The following DIAPH3 variants were observed in gnomAD, a reference collection of about 807,000 sequenced individuals.
DIAPH3 encodes the protein protein diaphanous homolog 3.
In DIAPH3, 117 loss-of-function variants were observed where a neutral mutation model predicts 144.3. The observed-to-expected ratio is 0.81, with a 90% confidence interval of 0.70 to 0.95. DIAPH3 has a LOEUF of 0.95. Among genes scored for constraint, DIAPH3 ranks in the 40% least tolerant of loss-of-function variants. The probability of loss-of-function intolerance (pLI) is 0.00; values close to 1 mark genes in which losing one functional copy is unlikely to be tolerated. For synonymous variants in DIAPH3, 519 were observed against 488.9 expected (o/e 1.06, Z -0.81); for missense variants, 1,421 against 1,412.7 (o/e 1.01, Z -0.09).
At chr13:59,726,748 T>C in intron 27 of DIAPH3, among the ~76,000 whole-genome samples, 1 of 152,198 alleles carries the variant, frequency 6.6e-6, no homozygotes. Context: ...ACTGATGGTT[T>C]AACTGTCCTA....
chr13:60,134,921 A>T (rs2059230423), intron 1 of DIAPH3, among the ~76,000 whole-genome samples: 1 of 152,208 alleles, frequency 6.6e-6, no homozygotes, highest in Non-Finnish European at 1.5e-5. Flanking sequence ...GTGATATTTT[A>T]AAAAGTAAGA....
intron 2 of DIAPH3, among the ~76,000 whole-genome samples, chr13:60,119,312 G>C (rs1163259306): frequency 6.6e-6 from 1 of 152,148 alleles, no homozygotes; most frequent in African/African-American, 2.4e-5. Context: ...CCATGTGAGT[G>C]AGCCATCTTG....
chr13:59,950,839 T>A (rs1460259953), intron 17 of DIAPH3, among the ~76,000 whole-genome samples: 1 of 152,076 alleles, frequency 6.6e-6, no homozygotes, highest in Admixed American at 6.6e-5. Context: ...TATATATATA[T>A]ATTGTTATTT....
Position 59,980,779 on chromosome 13 carries a change from A to T in DIAPH3, c.1545+16T>A. ...GTTCCCCACAGAATACTATAAAGTT[A>T]GTGAAAACTACTTACTTTCTTGTAA... is the stretch of plus-strand genomic sequence containing the variant. On this transcript the variant is annotated intron_variant, in intron 14 of 27. Coordinates refer to ENST00000400324, the MANE Select transcript of DIAPH3 (RefSeq NM_001042517.2). 1 of 1,602,372 alleles carries T rather than the reference A, an allele frequency of 6.2e-7. No homozygotes were observed. The highest frequency in any genetic ancestry group is 8.5e-7 in the Non-Finnish European group (1 of 1,170,732).
intron 17 of DIAPH3, among the ~76,000 whole-genome samples, chr13:59,934,781 C>G (rs766961422): frequency 2.4e-4 from 36 of 152,166 alleles, no homozygotes; most frequent in Non-Finnish European, 4.6e-4. Flanking sequence ...CTGACCACCA[C>G]ACAGCAAGCC....
intron 27 of DIAPH3, among the ~76,000 whole-genome samples, chr13:59,769,145 G>T (rs1300492000): frequency 6.6e-6 from 1 of 152,142 alleles, no homozygotes; most frequent in Non-Finnish European, 1.5e-5. Flanking sequence ...TATCTGTGGA[G>T]CCTTTATCAC....
At chr13:59,769,754 A>G (rs920324865) in intron 27 of DIAPH3, among the ~76,000 whole-genome samples, 25 of 151,986 alleles carry the variant, frequency 1.6e-4, no homozygotes, top group Admixed American at 6.6e-5. Flanking sequence ...CAGACCCGCA[A>G]TATACTTCTT....
chr13:59,709,651 T>C (rs2034625719), intron 27 of DIAPH3, among the ~76,000 whole-genome samples: 2 of 152,232 alleles, frequency 1.3e-5, no homozygotes. Flanking sequence ...TTAGTGGGAC[T>C]GTAAACTAGT....
chr13:59,916,656 C>T (rs904941883), intron 18 of DIAPH3, among the ~76,000 whole-genome samples: 3 of 152,084 alleles, frequency 2.0e-5, no homozygotes, highest in Non-Finnish European at 4.4e-5. Context: ...GTATTATTTG[C>T]TTGTATCTCT....
intron 25 of DIAPH3, among the ~76,000 whole-genome samples, chr13:59,798,805 G>A (rs532532625): frequency 7.9e-5 from 12 of 152,260 alleles, no homozygotes; most frequent in Admixed American, 2.6e-4. Context: ...GTAGCCCTGC[G>A]CATTCATCCC....
intron 9 of DIAPH3, among the ~76,000 whole-genome samples, chr13:60,003,186 A>G (rs2052624014): frequency 6.6e-6 from 1 of 152,110 alleles, no homozygotes; most frequent in South Asian, 2.1e-4. Flanking sequence ...CCATTAGAGC[A>G]TTGCTGTGAT....
chr13:60,021,152 T>C (rs2053990234), intron 5 of DIAPH3: 1 of 152,216 alleles, frequency 6.6e-6, no homozygotes, highest in Admixed American at 6.5e-5. Flanking sequence ...TCAGAACATA[T>C]GAATATATTA....
At chr13:59,848,428 C>T (rs140800023) in intron 22 of DIAPH3, among the ~76,000 whole-genome samples, 2 of 150,752 alleles carry the variant, frequency 1.3e-5, no homozygotes, top group African/African-American at 4.9e-5. Context: ...AACTCGTCAT[C>T]TAGCCTTAGG....
intron 9 of DIAPH3, among the ~76,000 whole-genome samples, chr13:59,995,245 T>C (rs1332278353): frequency 2.0e-5 from 3 of 151,924 alleles, no homozygotes; most frequent in Middle Eastern, 3.4e-3. Flanking sequence ...GAGATACTCA[T>C]ACTCAAAAAA....
In DIAPH3 at chr13:60,121,913, C is replaced by A. The variant is rs898761398; in HGVS notation, c.214-9727G>T. Reference sequence around the variant, plus strand: ...TTCATCTTCTCTCTGTCTCTACTGTCGCTAGCTCAGGCCACTTCTAACCTG... The same window carrying A: ...TTCATCTTCTCTCTGTCTCTACTGTAGCTAGCTCAGGCCACTTCTAACCTG... On this transcript the variant is annotated intron_variant, in intron 2 of 27. Transcript: ENST00000400324. Among the ~76,000 whole-genome samples, 3 of 152,290 alleles carry A rather than the reference C, an allele frequency of 2.0e-5. No individual in the cohort carries two copies. In the East Asian group the frequency reaches 5.8e-4, roughly 29 times the overall value.
chr13:59,918,993 TA>T (rs1358806244), intron 18 of DIAPH3, among the ~76,000 whole-genome samples: 6 of 148,512 alleles, frequency 4.0e-5, no homozygotes, highest in African/African-American at 1.5e-4. Flanking sequence ...AAACAGTTTT[TA>T]AAAATTAAAC....
intron 5 of DIAPH3, chr13:60,034,584 C>T (rs1188246760): frequency 6.6e-6 from 1 of 152,200 alleles, no homozygotes; most frequent in East Asian, 1.9e-4. Flanking sequence ...GCCAGTTCAC[C>T]TCTCCTTGGG....
At chr13:59,937,122 C>A (rs967939777) in intron 17 of DIAPH3, among the ~76,000 whole-genome samples, 1 of 150,834 alleles carries the variant, frequency 6.6e-6, no homozygotes, top group South Asian at 2.1e-4. Flanking sequence ...GAGATTGCAC[C>A]ACTGCACTCC....
At chr13:59,723,656 G>A (rs931371015) in intron 27 of DIAPH3, among the ~76,000 whole-genome samples, 1 of 151,722 alleles carries the variant, frequency 6.6e-6, no homozygotes, top group Non-Finnish European at 1.5e-5. Context: ...TGTCACCTGG[G>A]CTGGTGTGCA....
Sources: allele counts gnomAD v4.1 joint callset (sites outside exome capture counted in the v4.1 genomes callset), GRCh38; gene constraint gnomAD v4.1.1; transcripts MANE v1.5; gene names NCBI Gene and HGNC (gene_info 2026-07-23, HGNC 2026-07-21).